METTL15: variants seen among roughly 807,000 people sequenced by gnomAD.
The protein encoded by METTL15 is 12S rRNA N(4)-cytidine methyltransferase METTL15.
METTL15 carries 34 observed loss-of-function variants against 38.3 expected under a neutral mutation model. The observed-to-expected ratio is 0.89, with a 90% CI of 0.68 to 1.18. The LOEUF (loss-of-function observed/expected upper bound fraction) is 1.18. Among genes scored for constraint, METTL15 ranks in the 50% most tolerant of loss-of-function variants. The pLI, the probability that METTL15 is intolerant of heterozygous loss-of-function variation, is 0.00. For synonymous variants in METTL15, 162 were observed against 170.9 expected (o/e 0.95, Z 0.41); for missense variants, 438 against 498.4 (o/e 0.88, Z 1.15).
intron 3 of METTL15, among the ~76,000 whole-genome samples, chr11:28,170,566 A>G (rs1850819817): frequency 6.6e-6 from 1 of 152,140 alleles, no homozygotes; most frequent in Non-Finnish European, 1.5e-5. Context: ...TATACGCTAA[A>G]CTAGGGGTGT....
chr11:28,456,492 A>C (rs1328835646), intron 6 of METTL15, among the ~76,000 whole-genome samples: 1 of 151,258 alleles, frequency 6.6e-6, no homozygotes, highest in Non-Finnish European at 1.5e-5. Context: ...CCTTGACTGG[A>C]GTGCAGTGGC....
chr11:28,497,280 T>G (rs1283018978), intron 6 of METTL15, among the ~76,000 whole-genome samples: 1 of 152,178 alleles, frequency 6.6e-6, no homozygotes, highest in Non-Finnish European at 1.5e-5. Flanking sequence ...GCACAAATAT[T>G]CTTAAATCTA....
chr11:28,371,372 T>C (rs1266939463), intron 5 of METTL15, among the ~76,000 whole-genome samples: 1 of 152,064 alleles, frequency 6.6e-6, no homozygotes. Context: ...ACCTATTCTA[T>C]TCCTTTGGTC....
At chr11:28,175,400 A>G (rs1851033769) in intron 3 of METTL15, among the ~76,000 whole-genome samples, 2 of 152,164 alleles carry the variant, frequency 1.3e-5, no homozygotes, top group African/African-American at 4.8e-5. Flanking sequence ...TAGTGCTGTA[A>G]TAAACATACG....
intron 5 of METTL15, among the ~76,000 whole-genome samples, chr11:28,378,538 G>A (rs1358670684): frequency 1.3e-5 from 2 of 152,288 alleles, no homozygotes; most frequent in East Asian, 3.9e-4. Context: ...TGCACCCACT[G>A]ACCTGCACCC....
chr11:28,330,838 A>G lies in METTL15; in HGVS notation c.1221A>G (p.Leu407=). Residue 407 remains leucine (L), a synonymous_variant, in exon 7 of 7, where the codon TTA becomes TTG. Coordinates refer to ENST00000407364, the MANE Select transcript of METTL15 (RefSeq NM_001113528.2). ...CCAAGCTTAGAGCAGCTATCAAATT[A>G]TAAGTTATCATCATCTTATTCTTCA... ...RSAKLRAAIK[L] is the part of the protein sequence containing the mutation. 1 of 1,530,402 alleles carries G rather than the reference A, an allele frequency of 6.5e-7. No homozygotes were observed. The highest frequency in any genetic ancestry group is 8.8e-7 in the Non-Finnish European group (1 of 1,139,760). 94.8% of individuals were successfully genotyped at this position (1,530,402 alleles called of 1,614,324 possible). A position where few individuals can be genotyped will look rare whatever the true frequency, so the allele number is the denominator to read the frequency against.
chr11:28,495,765 C>T (rs746074939), intron 6 of METTL15, among the ~76,000 whole-genome samples: 1 of 151,554 alleles, frequency 6.6e-6, no homozygotes, highest in Non-Finnish European at 1.5e-5. Flanking sequence ...ACCAGAATCT[C>T]TGCTGTTTTT....
At chr11:28,441,439 G>T (rs1424392712) in intron 6 of METTL15, among the ~76,000 whole-genome samples, 1 of 152,084 alleles carries the variant, frequency 6.6e-6, no homozygotes, top group Admixed American at 6.5e-5. Context: ...AAGCCACTCT[G>T]GTACTTCTCT....
chr11:28,113,695 G>A lies in METTL15; in HGVS notation c.270+91G>A, dbSNP rs1298691737. The stretch of plus-strand genomic sequence containing the variant: ...TTATTTTAAGGTATACAATTCAGTG[G>A]CCTTTAGTATACAGATGAATCCCAA... On this transcript the variant is annotated intron_variant, in intron 3 of 6. Coordinates refer to ENST00000407364, the MANE Select transcript of METTL15 (RefSeq NM_001113528.2). 4 of 1,389,120 alleles carry A rather than the reference G, an allele frequency of 2.9e-6. No homozygotes were observed. In the East Asian group the frequency reaches 9.5e-5, roughly 33 times the overall value. The allele number at this position is 1,389,120 out of a possible 1,614,324, so 86.0% of individuals were successfully genotyped here. A position where few individuals can be genotyped will look rare whatever the true frequency, so the allele number is the denominator to read the frequency against.
rs985615236 is a variant in METTL15, at chr11:28,449,522, T to C, written c.*424+25158T>C. Among the ~76,000 whole-genome samples the C allele has an allele frequency of 2.0e-5, 3 of 152,368 alleles. No homozygotes were observed. In the East Asian group the frequency reaches 5.8e-4, roughly 29 times the overall value. On this transcript the variant is annotated intron_variant and NMD_transcript_variant, in intron 6 of 7. Transcript: ENST00000532947. ...CAACAAGAGCAAATCCATAGGTTAA[T>C]GTTTATGAACCTTCTGCCTTGGTTA...
chr11:28,159,578 TATC>T (rs1471050133), intron 3 of METTL15, among the ~76,000 whole-genome samples: 1 of 152,174 alleles, frequency 6.6e-6, no homozygotes, highest in Non-Finnish European at 1.5e-5. Context: ...AGACTGTAAT[TATC>T]ATGAGTCTTT....
intron 5 of METTL15, among the ~76,000 whole-genome samples, chr11:28,367,127 C>T (rs1314557933): frequency 6.6e-6 from 1 of 151,244 alleles, no homozygotes; most frequent in African/African-American, 2.4e-5. Context: ...GCTGCCTGAG[C>T]GACTGGTTTC....
At position 28,115,935 on chromosome 11, in the gene METTL15, T is replaced by C. The variant is rs199548234; in HGVS notation, c.270+2331T>C. On this transcript the variant is annotated intron_variant, in intron 3 of 6. Transcript: ENST00000407364. ...ATACACAGACACACACACATACACA[T>C]ACACACACACACACACACACACACA... is the stretch of plus-strand genomic sequence containing the variant. Among the ~76,000 whole-genome samples the C allele has an allele frequency of 3.2e-4, 45 of 142,456 alleles. 1 individual carries two copies. Among genetic ancestry groups the C allele is most frequent in the South Asian group, 2.1e-3 (9 of 4,346 alleles). The allele number at this position is 142,456 out of a possible 152,430, so 93.5% of individuals were successfully genotyped here. A position where few individuals can be genotyped will look rare whatever the true frequency, so the allele number is the denominator to read the frequency against.
chr11:28,179,509 T>C (rs1222245482), intron 3 of METTL15, among the ~76,000 whole-genome samples: 2 of 151,870 alleles, frequency 1.3e-5, no homozygotes, highest in Non-Finnish European at 2.9e-5. Context: ...TTTTTGAATT[T>C]CATTCACATG....
intron 6 of METTL15, among the ~76,000 whole-genome samples, chr11:28,325,072 C>T (rs570777476): frequency 3.2e-4 from 49 of 152,250 alleles, no homozygotes; most frequent in African/African-American, 1.1e-3. Flanking sequence ...CCTGGCTCCC[C>T]TCTCTCTGTC....
chr11:28,430,317 A>T, intron 6 of METTL15, among the ~76,000 whole-genome samples: 2 of 113,030 alleles, frequency 1.8e-5, no homozygotes, highest in Non-Finnish European at 1.9e-5. Flanking sequence ...GCCATCCGGG[A>T]GGGAGGTGAG....
chr11:28,264,332 CT>C (rs1855326003), intron 4 of METTL15, among the ~76,000 whole-genome samples: 4 of 151,860 alleles, frequency 2.6e-5, no homozygotes, highest in African/African-American at 9.7e-5. Context: ...ATTATTTCCC[CT>C]ATTGATTATG....
chr11:28,157,692 G>A (rs750858434), intron 3 of METTL15, among the ~76,000 whole-genome samples: 3 of 152,106 alleles, frequency 2.0e-5, no homozygotes, highest in Non-Finnish European at 4.4e-5. Flanking sequence ...AATGGAAGTG[G>A]TATCTACGTG....
chr11:28,415,145 A>C (rs1363284869), intron 5 of METTL15, among the ~76,000 whole-genome samples: 1 of 152,206 alleles, frequency 6.6e-6, no homozygotes, highest in Non-Finnish European at 1.5e-5. Context: ...ATAATGCTTG[A>C]CAAGTTCTTG....
Sources: allele counts gnomAD v4.1 joint callset (sites outside exome capture counted in the v4.1 genomes callset), GRCh38; gene constraint gnomAD v4.1.1; transcripts MANE v1.5; gene names NCBI Gene and HGNC (gene_info 2026-07-23, HGNC 2026-07-21).